HPN: variants seen among roughly 807,000 people sequenced by gnomAD.
HPN encodes serine protease hepsin.
Under a neutral mutation model 55.9 loss-of-function variants are expected in HPN, and 13 were observed. The observed-to-expected ratio is 0.23, with a 90% CI of 0.15 to 0.37. HPN has a LOEUF of 0.37. HPN is among the 10% of genes least tolerant of loss of function. The pLI, the probability that HPN is intolerant of heterozygous loss-of-function variation, is 1.00. For missense variants in HPN, 451 were observed against 575.8 expected (o/e 0.78, Z 2.22); for synonymous variants, 225 against 240.3 (o/e 0.94, Z 0.59).
At chr19:35,042,589 C>G (rs1386447992) in intron 2 of HPN, 67 bp downstream of exon 2, 1 of 1,356,972 alleles carries the variant, frequency 7.4e-7, no homozygotes, top group African/African-American at 1.4e-5. Flanking sequence ...GCTCTTTTCT[C>G]TACCCTCTAC....
At chr19:35,058,534 A>G (rs1015213079) in intron 4 of HPN, among the ~76,000 whole-genome samples, 2 of 147,288 alleles carry the variant, frequency 1.4e-5, no homozygotes, top group Non-Finnish European at 3.0e-5. Flanking sequence ...TATTATAACA[A>G]TATATTAGTA....
intron 1 of HPN, 95 bp downstream of exon 1, chr19:35,041,967 G>A (rs992587757): frequency 1.7e-6 from 2 of 1,203,776 alleles, no homozygotes; most frequent in African/African-American, 1.6e-5. Context: ...CCTAATAGAG[G>A]GGTTCCTGGG....
intron 4 of HPN, chr19:35,059,109 C>A (rs555108359): frequency 5.9e-6 from 1 of 169,364 alleles, no homozygotes; most frequent in South Asian, 1.3e-4. Flanking sequence ...CCCTGGTTCG[C>A]GGAGGGGCCG....
rs2064522600 is a variant in HPN at position 35,060,811 on chromosome 19, C to T, written c.805C>T (p.Leu269Phe). The change falls in exon 9 of 13, where the codon CTC becomes TTC. Residue 269 changes from leucine to phenylalanine, a missense_variant. This residue lies in a region of HPN where 378 missense variants were observed against 445.5 expected (regional missense o/e 0.85). Coordinates refer to ENST00000672452, the MANE Select transcript of HPN (RefSeq NM_001384133.1). ...ALVHLSSPLP[L>F]TEYIQPVCLP... ...GGTCCACCTCTCCAGTCCCCTGCCC[C>T]TCACAGGTAAGTCTAAGGGCTGAGC... The T allele has an allele frequency of 1.3e-6, 2 of 1,578,964 alleles. No individual in the cohort carries two copies. Among genetic ancestry groups the T allele is most frequent in the African/African-American group, 1.3e-5 (1 of 74,400 alleles).
Position 35,066,246 on chromosome 19 carries a change from C to T in HPN, c.1216-3C>T. 1 of 1,614,000 alleles carries T rather than the reference C, an allele frequency of 6.2e-7. No homozygotes were observed. The highest frequency in any genetic ancestry group is 8.5e-7 in the Non-Finnish European group (1 of 1,179,954). On this transcript the variant is annotated splice_polypyrimidine_tract_variant and splice_region_variant and intron_variant, in intron 12 of 12. Transcript: ENST00000672452. ...TCGGGAGCCCCCAGCTGTCTTTCCC[C>T]AGACTCACTCCGAAGCCAGCGGCAT...
chr19:35,060,344 C>T lies in HPN; in HGVS notation c.455-3C>T, dbSNP rs2064515128. On this transcript the variant is annotated splice_region_variant and splice_polypyrimidine_tract_variant and intron_variant, in intron 7 of 12. Coordinates refer to ENST00000672452, the MANE Select transcript of HPN (RefSeq NM_001384133.1). ...CCGCCCCCTGCTGACCCTTGTCCCA[C>T]AGACTGTGGCCGCAGGAAGCTGCCC... 2 of 1,610,990 alleles carry T rather than the reference C, an allele frequency of 1.2e-6. No individual in the cohort carries two copies. Among genetic ancestry groups the T allele is most frequent in the Non-Finnish European group, 8.5e-7 (1 of 1,179,866 alleles).
At chr19:35,059,515 A>C (rs1600392157) in intron 4 of HPN, 158 bp from the exon 5 acceptor site, 1 of 895,044 alleles carries the variant, frequency 1.1e-6, no homozygotes, top group Non-Finnish European at 1.8e-6. Context: ...ATGATTCCAG[A>C]TGCAATCGCA....
chr19:35,054,975 C>G (rs1370620137), intron 4 of HPN, among the ~76,000 whole-genome samples: 3 of 152,102 alleles, frequency 2.0e-5, no homozygotes, highest in African/African-American at 7.2e-5. Context: ...ACTCGGTTTC[C>G]CAGAATGTGC....
intron 4 of HPN, among the ~76,000 whole-genome samples, chr19:35,057,310 C>T (rs993900462): frequency 2.2e-4 from 33 of 152,054 alleles, no homozygotes; most frequent in African/African-American, 8.0e-4. Context: ...TCTGTAGCTC[C>T]AGCTACTCGG....
chr19:35,041,345 T>G (rs2064291221), upstream of HPN, among the ~76,000 whole-genome samples: 1 of 149,672 alleles, frequency 6.7e-6, no homozygotes, highest in African/African-American at 2.5e-5. Flanking sequence ...GTGCAGCAAG[T>G]GGCGGGCACA....
At chr19:35,059,599 G>A (rs1310337086) in intron 4 of HPN, 74 bp from the exon 5 acceptor site, 1 of 1,535,908 alleles carries the variant, frequency 6.5e-7, no homozygotes. Flanking sequence ...AGGCCAGGAG[G>A]GGCTCCGGCT....
chr19:35,049,547 G>A (rs781271960), intron 4 of HPN, 31 bp downstream of exon 4: 2 of 1,577,218 alleles, frequency 1.3e-6, no homozygotes, highest in East Asian at 2.3e-5. Flanking sequence ...CCCTCTGGGG[G>A]AGCCCTGGAG....
chr19:35,046,165 G>A (rs1030864976), intron 2 of HPN, among the ~76,000 whole-genome samples: 3 of 152,198 alleles, frequency 2.0e-5, no homozygotes, highest in Admixed American at 1.3e-4. Context: ...GCCGGCAGTA[G>A]TTGGGCTGGT....
At chr19:35,061,909 T>A (rs1279311108) in intron 9 of HPN, among the ~76,000 whole-genome samples, 1 of 151,984 alleles carries the variant, frequency 6.6e-6, no homozygotes, top group African/African-American at 2.4e-5. Context: ...CTTAAAAAAA[T>A]GAGCTAGGTG....
chr19:35,045,758 C>G (rs1568355286), intron 2 of HPN, among the ~76,000 whole-genome samples: 1 of 140,348 alleles, frequency 7.1e-6, no homozygotes, highest in African/African-American at 2.6e-5. Context: ...GATGAGGATG[C>G]GTCCCACACC....
intron 12 of HPN, 80 bp from the exon 13 acceptor site, chr19:35,066,169 A>G: frequency 6.2e-7 from 1 of 1,613,504 alleles, no homozygotes; most frequent in Admixed American, 1.7e-5. Context: ...TGGACTTTGA[A>G]GGGTTCCTGG....
intron 2 of HPN, among the ~76,000 whole-genome samples, chr19:35,046,953 C>G (rs370757717): frequency 1.3e-5 from 2 of 152,236 alleles, no homozygotes; most frequent in East Asian, 3.9e-4. Flanking sequence ...CTCAGCCTCC[C>G]GAGTAGCTGG....
chr19:35,062,078 G>C (rs1379154070), intron 9 of HPN, among the ~76,000 whole-genome samples: 1 of 150,500 alleles, frequency 6.6e-6, no homozygotes, highest in African/African-American at 2.4e-5. Context: ...AAGAAAGAAA[G>C]AAAGAGAAAG....
At chr19:35,066,141 G>GC (rs1165698165) in intron 12 of HPN, 108 bp from the exon 13 acceptor site, 2 of 1,612,706 alleles carry the variant, frequency 1.2e-6, no homozygotes, top group Non-Finnish European at 1.7e-6. Context: ...CTAGAAGAGG[G>GC]CCCCCCTTGG....
Sources: gnomAD v4.1 joint callset for allele counts (sites outside exome capture counted in the v4.1 genomes callset) on GRCh38, gnomAD v4.1.1 for gene constraint, gnomAD v4.1.1 regional missense constraint, MANE v1.5 for transcripts, NCBI Gene and HGNC (gene_info 2026-07-23, HGNC 2026-07-21) for gene names.